Variants in HDAC4 observed in about 807,000 individuals in gnomAD.
HDAC4 encodes histone deacetylase A.
A neutral mutation model predicts 135.1 loss-of-function variants in HDAC4; 16 were observed. That is an observed-to-expected ratio of 0.12 (90% CI 0.08 to 0.18). The LOEUF is 0.18. Among genes scored for constraint, HDAC4 ranks in the 10% least tolerant of loss-of-function variants. The pLI, the probability that HDAC4 is intolerant of heterozygous loss-of-function variation, is 1.00. For synonymous variants in HDAC4, 685 were observed against 653.4 expected (o/e 1.05, Z -0.74); for missense variants, 1,143 against 1,511.8 (o/e 0.76, Z 4.05).
chr2:239,351,540 A>AT (rs1693156848), intron 2 of HDAC4, among the ~76,000 whole-genome samples: 1 of 152,238 alleles, frequency 6.6e-6, no homozygotes, highest in African/African-American at 2.4e-5. Context: ...ATAGCGCTTA[A>AT]TTTTGTCTTG....
intron 2 of HDAC4, among the ~76,000 whole-genome samples, chr2:239,318,789 G>A (rs2125748331): frequency 6.6e-6 from 1 of 151,688 alleles, no homozygotes. Flanking sequence ...AAGTTAAAAA[G>A]AAAAAAGTTA....
At chr2:239,289,434 T>C (rs1162044220) in intron 2 of HDAC4, among the ~76,000 whole-genome samples, 2 of 152,220 alleles carry the variant, frequency 1.3e-5, no homozygotes, top group Non-Finnish European at 2.9e-5. Flanking sequence ...TATGTTACAA[T>C]ATGTGTGTGT....
At chr2:239,123,027 C>T (rs997460852) in intron 12 of HDAC4, among the ~76,000 whole-genome samples, 3 of 152,228 alleles carry the variant, frequency 2.0e-5, no homozygotes, top group African/African-American at 7.2e-5. Context: ...TGGGAAAACA[C>T]TGTCTAAACG....
chr2:239,302,615 T>C (rs1411694804), intron 2 of HDAC4, among the ~76,000 whole-genome samples: 2 of 152,134 alleles, frequency 1.3e-5, no homozygotes, highest in Non-Finnish European at 2.9e-5. Flanking sequence ...AGCCCAGCCA[T>C]CCAGTGACTT....
intron 12 of HDAC4, among the ~76,000 whole-genome samples, chr2:239,117,937 A>G (rs906290442): frequency 6.6e-6 from 1 of 152,170 alleles, no homozygotes; most frequent in African/African-American, 2.4e-5. Flanking sequence ...CTTGCATTTC[A>G]ACACCCTTAG....
intron 2 of HDAC4, among the ~76,000 whole-genome samples, chr2:239,281,861 C>T (rs1328281713): frequency 6.7e-6 from 1 of 148,844 alleles, no homozygotes; most frequent in South Asian, 2.2e-4. Flanking sequence ...CCACTCTACA[C>T]ACAATGTACA....
In HDAC4 at chr2:239,337,485, G is replaced by C. The variant is rs184464507; in HGVS notation, c.22+15193C>G. Among the ~76,000 whole-genome samples, 55 of 152,270 alleles carry C rather than the reference G, an allele frequency of 3.6e-4. 1 individual carries two copies. The highest frequency in any genetic ancestry group is 2.4e-4 in the Non-Finnish European group (16 of 68,028). Reference sequence around the variant, plus strand: ...TAACAGGAAGAAATCAGGACTCACGGGAGTAAGCAAAATGAGGCCTAAATC... The same window carrying C: ...TAACAGGAAGAAATCAGGACTCACGCGAGTAAGCAAAATGAGGCCTAAATC... On this transcript the variant is annotated intron_variant, in intron 2 of 26. Transcript: ENST00000543185.
chr2:239,381,217 G>A (rs998502502), intron 1 of HDAC4, among the ~76,000 whole-genome samples: 6 of 152,210 alleles, frequency 3.9e-5, no homozygotes, highest in African/African-American at 1.4e-4. Context: ...CTGCAGTGAA[G>A]ACAAATGACT....
chr2:239,065,619 G>T lies in HDAC4; in HGVS notation c.3003+1103C>A, dbSNP rs1202089803. 2.6e-5 allele frequency among the ~76,000 whole-genome samples: 4 copies of T among 152,142 alleles called. No homozygotes were observed. The South Asian group carries it at 8.3e-4, about 32-fold the overall frequency. On this transcript the variant is annotated intron_variant, in intron 24 of 26. Coordinates refer to ENST00000543185, the MANE Select transcript of HDAC4 (RefSeq NM_001378414.1). ...TACTGAGACTGTCCTCAGGACTGCC[G>T]GGCTGGGGAGGGCAGTCCCAGAGGG...
At chr2:239,158,179 G>A (rs1429041454) in intron 6 of HDAC4, among the ~76,000 whole-genome samples, 1 of 151,812 alleles carries the variant, frequency 6.6e-6, no homozygotes, top group Non-Finnish European at 1.5e-5. Flanking sequence ...CTCATGAAAA[G>A]GTCTGGGGGC....
At chr2:239,193,282 C>T (rs1170272035) in intron 3 of HDAC4, among the ~76,000 whole-genome samples, 1 of 152,258 alleles carries the variant, frequency 6.6e-6, no homozygotes, top group East Asian at 1.9e-4. Flanking sequence ...AGGGAGGGGG[C>T]AGCATTGTAA....
intron 11 of HDAC4, among the ~76,000 whole-genome samples, chr2:239,128,237 G>T (rs545953516): frequency 6.6e-6 from 1 of 152,226 alleles, no homozygotes; most frequent in South Asian, 2.1e-4. Flanking sequence ...AAAAGAAAAA[G>T]GTAAACCATC....
Position 239,067,325 on chromosome 2 carries a change from G to A in HDAC4, c.2870-470C>T, listed in dbSNP as rs552972025. Among the ~76,000 whole-genome samples, 8 of 152,250 alleles carry A rather than the reference G, an allele frequency of 5.3e-5. No homozygotes were observed. The South Asian group carries it at 8.3e-4, about 16-fold the overall frequency. ...GGCTTTGATCAAGAGCCACAGTCCC[G>A]CCACTGCACCCACATCACTCACCCC... On this transcript the variant is annotated intron_variant, in intron 23 of 26. Coordinates refer to ENST00000543185, the MANE Select transcript of HDAC4 (RefSeq NM_001378414.1).
At chr2:239,393,410 G>T (rs144377999) in intron 1 of HDAC4, among the ~76,000 whole-genome samples, 3 of 152,190 alleles carry the variant, frequency 2.0e-5, no homozygotes, top group Non-Finnish European at 4.4e-5. Context: ...ACATGAAAAC[G>T]CAAGGAAGTC....
chr2:239,084,130 C>A, intron 20 of HDAC4, 25 bp downstream of exon 20: 2 of 1,574,906 alleles, frequency 1.3e-6, no homozygotes, highest in Non-Finnish European at 1.7e-6. Flanking sequence ...ACCTGAGCTG[C>A]GCTGGCCAAG....
chr2:239,180,017 G>A (rs3791536), intron 4 of HDAC4, among the ~76,000 whole-genome samples: 28,555 of 152,276 alleles, frequency 0.19, 3,097 homozygotes, highest in Admixed American at 0.32. Context: ...CTCTGTGGGC[G>A]CCAACCTTCA....
intron 3 of HDAC4, among the ~76,000 whole-genome samples, chr2:239,225,944 G>A (rs2047217036): frequency 6.6e-6 from 1 of 152,194 alleles, no homozygotes; most frequent in South Asian, 2.1e-4. Flanking sequence ...TAGGGGACAT[G>A]GTGTTGGTAC....
chr2:239,319,797 C>A (rs149442663), intron 2 of HDAC4, among the ~76,000 whole-genome samples: 1 of 152,232 alleles, frequency 6.6e-6, no homozygotes, highest in African/African-American at 2.4e-5. Context: ...AAAGAACCCA[C>A]GAAATAGAAA....
intron 1 of HDAC4, among the ~76,000 whole-genome samples, chr2:239,399,918 ACACT>A (rs1696827846): frequency 6.6e-6 from 1 of 152,212 alleles, no homozygotes; most frequent in Non-Finnish European, 1.5e-5. Context: ...AATAAAGAAA[ACACT>A]CATATCAGCT....
Sources: allele counts gnomAD v4.1 joint callset (sites outside exome capture counted in the v4.1 genomes callset), GRCh38; gene constraint gnomAD v4.1.1; transcripts MANE v1.5; gene names NCBI Gene and HGNC (gene_info 2026-07-23, HGNC 2026-07-21).